CALCRL: variants seen among roughly 807,000 people sequenced by gnomAD.
CALCRL encodes calcitonin gene-related peptide type 1 receptor.
Under a neutral mutation model 60.4 loss-of-function variants are expected in CALCRL, and 27 were observed. That is an observed-to-expected ratio of 0.45 (90% confidence interval 0.33 to 0.62). CALCRL has a LOEUF of 0.62. Among genes scored for constraint, CALCRL ranks in the 20% least tolerant of loss-of-function variants. The probability of loss-of-function intolerance (pLI) is 0.03; values close to 1 mark genes in which losing one functional copy is unlikely to be tolerated. For synonymous variants in CALCRL, 190 were observed against 182.6 expected (o/e 1.04, Z -0.33); for missense variants, 424 against 540.7 (o/e 0.78, Z 2.14).
At chr2:187,348,713 G>C (rs756145819) in intron 14 of CALCRL, among the ~76,000 whole-genome samples, 1 of 151,544 alleles carries the variant, frequency 6.6e-6, no homozygotes, top group Non-Finnish European at 1.5e-5. Context: ...CCTAATTAAA[G>C]ATCCACAGGC....
chr2:187,387,872 A>G lies in CALCRL; in HGVS notation c.-292-116T>C, dbSNP rs1346067262. ...TACTAAGATCATATTTTTATTGAAC[A>G]ATTCCAACTTTGAAAAGCCTCTTTT... On this transcript the variant is annotated intron_variant, in intron 1 of 14. Coordinates refer to ENST00000392370, the MANE Select transcript of CALCRL (RefSeq NM_005795.6). 1.4e-5 allele frequency: 5 copies of G among 365,718 alleles called. No homozygotes were observed. The Admixed American group carries it at 2.3e-4, about 17-fold the overall frequency. 22.7% of individuals were successfully genotyped at this position (365,718 alleles called of 1,614,324 possible).
intron 1 of CALCRL, among the ~76,000 whole-genome samples, chr2:187,447,232 A>G (rs1691230594): frequency 6.6e-6 from 1 of 151,718 alleles, no homozygotes; most frequent in Non-Finnish European, 1.5e-5. Context: ...GAAAGCTGTC[A>G]CGTTTCTTTA....
At chr2:187,354,678 C>A (rs748816378) in intron 12 of CALCRL, among the ~76,000 whole-genome samples, 2 of 151,954 alleles carry the variant, frequency 1.3e-5, no homozygotes, top group African/African-American at 2.4e-5. Flanking sequence ...TTTAGGCCAA[C>A]AAGATGGGAA....
chr2:187,356,905 C>G (rs1686818280), intron 12 of CALCRL, among the ~76,000 whole-genome samples: 1 of 152,076 alleles, frequency 6.6e-6, no homozygotes, highest in South Asian at 2.1e-4. Context: ...TGAAAAAAAG[C>G]TAATCATGAC....
In CALCRL at chr2:187,380,472, C is replaced by A; in HGVS notation, c.403G>T (p.Val135Leu). ...AATTCAGAATTATGACATACCTTCA[C>A]TTTCTCGTGGGTGTTAACATTACAC... ...TQCNVNTHEKVKTALNLFYLT... is the reference protein window; with the variant it reads ...TQCNVNTHEKLKTALNLFYLT... Residue 135 changes from valine to leucine, a missense_variant, in exon 7 of 15, where the codon GTG (valine) becomes TTG (leucine). Val to Leu is a conservative substitution (Grantham distance 32). This residue lies in a region of CALCRL where 43 missense variants were observed against 46.6 expected (regional missense o/e 0.92). Transcript: ENST00000392370. The A allele has an allele frequency of 6.3e-7, 1 of 1,579,418 alleles. No homozygotes were observed. The highest frequency in any genetic ancestry group is 8.7e-7 in the Non-Finnish European group (1 of 1,149,142).
At chr2:187,431,741 T>C (rs992023303) in intron 1 of CALCRL, among the ~76,000 whole-genome samples, 4 of 141,122 alleles carry the variant, frequency 2.8e-5, no homozygotes, top group Middle Eastern at 3.6e-3. Context: ...CCTGCTCTCA[T>C]GGAGCTTATA....
intron 1 of CALCRL, among the ~76,000 whole-genome samples, chr2:187,408,772 G>A (rs1689237619): frequency 6.6e-6 from 1 of 151,926 alleles, no homozygotes; most frequent in African/African-American, 2.4e-5. Context: ...GTACAGTGGA[G>A]ATAATTATAT....
At chr2:187,430,701 G>A (rs1216449242) in intron 1 of CALCRL, among the ~76,000 whole-genome samples, 2 of 151,902 alleles carry the variant, frequency 1.3e-5, no homozygotes, top group Non-Finnish European at 2.9e-5. Flanking sequence ...GTCATTTAAA[G>A]TTTTTTCTTC....
intron 1 of CALCRL, among the ~76,000 whole-genome samples, chr2:187,434,307 A>G (rs932946707): frequency 6.6e-6 from 1 of 152,294 alleles, no homozygotes; most frequent in East Asian, 1.9e-4. Context: ...TGACTTAATT[A>G]TAACCCTGCA....
At chr2:187,405,799 T>A (rs778042625) in intron 1 of CALCRL, among the ~76,000 whole-genome samples, 1 of 151,986 alleles carries the variant, frequency 6.6e-6, no homozygotes, top group Non-Finnish European at 1.5e-5. Flanking sequence ...GCAATTAAGC[T>A]TAGCAGAAAG....
intron 8 of CALCRL, among the ~76,000 whole-genome samples, chr2:187,365,923 T>C (rs1687255781): frequency 6.6e-6 from 1 of 152,084 alleles, no homozygotes; most frequent in South Asian, 2.1e-4. Flanking sequence ...GGGAGAGATT[T>C]GTTAAAGGAT....
At position 187,379,842 on chromosome 2, in the gene CALCRL, C is replaced by T. The variant is rs1218162361; in HGVS notation, c.408+625G>A. ...GTAAAATGGCTTTTTCAAGGTCAAACAGCTGGTAAGAAGTAGAAATAAGAA... is the reference window on the plus strand; with the variant it reads ...GTAAAATGGCTTTTTCAAGGTCAAATAGCTGGTAAGAAGTAGAAATAAGAA... On this transcript the variant is annotated intron_variant, in intron 7 of 14. Transcript: ENST00000392370. 2.4e-4 allele frequency among the ~76,000 whole-genome samples: 36 copies of T among 152,130 alleles called. 1 individual carries two copies. Among genetic ancestry groups the T allele is most frequent in the Admixed American group, 2.4e-3 (36 of 15,270 alleles).
intron 1 of CALCRL, among the ~76,000 whole-genome samples, chr2:187,406,721 A>C (rs1689147570): frequency 6.6e-6 from 1 of 152,072 alleles, no homozygotes; most frequent in Admixed American, 6.6e-5. Flanking sequence ...TGCTGTGTAC[A>C]TATGAGAAAG....
intron 1 of CALCRL, among the ~76,000 whole-genome samples, chr2:187,445,366 A>AT (rs1270752404): frequency 6.6e-6 from 1 of 151,668 alleles, no homozygotes; most frequent in Non-Finnish European, 1.5e-5. Context: ...TGTAATCATT[A>AT]TATCTCCAAA....
chr2:187,402,093 A>G (rs1176358496), intron 1 of CALCRL, among the ~76,000 whole-genome samples: 1 of 151,698 alleles, frequency 6.6e-6, no homozygotes, highest in African/African-American at 2.4e-5. Flanking sequence ...AGTAAATAAA[A>G]TGTTGATATA....
At chr2:187,362,642 TTGAA>T (rs1245557817) in intron 9 of CALCRL, among the ~76,000 whole-genome samples, 4 of 152,040 alleles carry the variant, frequency 2.6e-5, no homozygotes, top group African/African-American at 9.7e-5. Context: ...TTTTTAAAAT[TTGAA>T]TGTATGTTTA....
intron 1 of CALCRL, among the ~76,000 whole-genome samples, chr2:187,435,160 T>C (rs1039081579): frequency 8.5e-5 from 13 of 152,146 alleles, no homozygotes; most frequent in Non-Finnish European, 1.6e-4. Context: ...AGAAAATAGG[T>C]TGAATTGGCT....
intron 1 of CALCRL, among the ~76,000 whole-genome samples, chr2:187,442,739 A>T (rs1258665713): frequency 1.3e-5 from 2 of 151,958 alleles, no homozygotes; most frequent in African/African-American, 4.8e-5. Flanking sequence ...GTCTACATTT[A>T]TCTCTACTGT....
At chr2:187,346,800 G>T (rs1686296075) in intron 14 of CALCRL, among the ~76,000 whole-genome samples, 1 of 151,364 alleles carries the variant, frequency 6.6e-6, no homozygotes. Flanking sequence ...ATAAGCGAAA[G>T]ATACACAAAA....
Sources: gnomAD v4.1 joint callset for allele counts (sites outside exome capture counted in the v4.1 genomes callset) on GRCh38, gnomAD v4.1.1 for gene constraint, gnomAD v4.1.1 regional missense constraint, MANE v1.5 for transcripts, NCBI Gene and HGNC (gene_info 2026-07-23, HGNC 2026-07-21) for gene names.